Variants in NR3C1 observed in about 807,000 individuals in gnomAD.
NR3C1 encodes glucocorticoid receptor.
Under a neutral mutation model 74.0 loss-of-function variants are expected in NR3C1, and 14 were observed. The observed-to-expected ratio is 0.19, with a 90% CI of 0.12 to 0.30. The LOEUF (loss-of-function observed/expected upper bound fraction) is 0.30. Ranked by LOEUF, NR3C1 falls within the 10% of genes least tolerant of loss-of-function variation. NR3C1 has a pLI of 1.00. For synonymous variants in NR3C1, 308 were observed against 332.5 expected, an observed-to-expected ratio of 0.93 and a Z score of 0.80; for missense variants, 695 against 909.8, an observed-to-expected ratio of 0.76 and a Z score of 3.04.
chr5:143,418,199 T>C (rs753958983), intron 1 of NR3C1, among the ~76,000 whole-genome samples: 4 of 152,246 alleles, frequency 2.6e-5, no homozygotes, highest in Non-Finnish European at 4.4e-5. Flanking sequence ...TTTATGAGTT[T>C]ATTGCTTGTC....
chr5:143,430,518 A>G (rs1463748684), intron 1 of NR3C1, among the ~76,000 whole-genome samples: 1 of 152,210 alleles, frequency 6.6e-6, no homozygotes, highest in Non-Finnish European at 1.5e-5. Context: ...CTAACCCCCA[A>G]TATGATGGTA....
At chr5:143,345,225 T>TAA (rs1829054343) in intron 2 of NR3C1, among the ~76,000 whole-genome samples, 2 of 152,166 alleles carry the variant, frequency 1.3e-5, no homozygotes, top group Non-Finnish European at 2.9e-5. Flanking sequence ...TATTATTGTT[T>TAA]TTTGAGACAG....
At chr5:143,395,088 T>C (rs1057480692) in intron 2 of NR3C1, among the ~76,000 whole-genome samples, 1 of 152,030 alleles carries the variant, frequency 6.6e-6, no homozygotes, top group Admixed American at 6.5e-5. Flanking sequence ...TATTTCTTTC[T>C]TAATATGTAA....
intron 1 of NR3C1, among the ~76,000 whole-genome samples, chr5:143,433,318 A>G (rs956816596): frequency 2.7e-5 from 4 of 148,026 alleles, no homozygotes; most frequent in Middle Eastern, 3.5e-3. Flanking sequence ...CATTAACAGC[A>G]AGGATACTGA....
At chr5:143,373,194 A>G (rs1834525939) in intron 2 of NR3C1, among the ~76,000 whole-genome samples, 2 of 152,146 alleles carry the variant, frequency 1.3e-5, no homozygotes, top group Admixed American at 1.3e-4. Flanking sequence ...CTTGTGATCT[A>G]GTTATTCAAT....
intron 1 of NR3C1, among the ~76,000 whole-genome samples, chr5:143,414,669 G>A (rs1841422466): frequency 6.6e-6 from 1 of 152,028 alleles, no homozygotes; most frequent in South Asian, 2.1e-4. Flanking sequence ...CTACCTATGA[G>A]ATATCTTTAT....
intron 1 of NR3C1, among the ~76,000 whole-genome samples, chr5:143,434,127 G>A (rs1260086308): frequency 6.6e-6 from 1 of 151,982 alleles, no homozygotes; most frequent in Non-Finnish European, 1.5e-5. Flanking sequence ...AAGCCCCTCC[G>A]CCACTATCAC....
chr5:143,431,595 A>G (rs1363153475), intron 1 of NR3C1, among the ~76,000 whole-genome samples: 1 of 152,154 alleles, frequency 6.6e-6, no homozygotes, highest in Non-Finnish European at 1.5e-5. Flanking sequence ...GCAAGCCACC[A>G]TGGCACATGC....
At chr5:143,286,113 T>G (rs1193338191) in intron 7 of NR3C1, among the ~76,000 whole-genome samples, 1 of 152,096 alleles carries the variant, frequency 6.6e-6, no homozygotes, top group Non-Finnish European at 1.5e-5. Flanking sequence ...ATTCAACATT[T>G]GAAGGAAACA....
At position 143,375,432 on chromosome 5, in the gene NR3C1, G is replaced by A. The variant is rs74830355; in HGVS notation, c.1184+24224C>T. Among the ~76,000 whole-genome samples, 675 of 152,210 alleles carry A rather than the reference G, an allele frequency of 4.4e-3. 2 individuals are homozygous for A. Among genetic ancestry groups the A allele is most frequent in the African/African-American group, 0.015 (643 of 41,530 alleles). Reference sequence around the variant, plus strand: ...CAAAAGAGTCAAAATTCTTTTAATAGGGGCCTAGTTAAATATATTATGGTA... The same window carrying A: ...CAAAAGAGTCAAAATTCTTTTAATAAGGGCCTAGTTAAATATATTATGGTA... On this transcript the variant is annotated intron_variant, in intron 2 of 8. Transcript: ENST00000394464.
At chr5:143,343,732 C>A (rs1296358259) in intron 2 of NR3C1, among the ~76,000 whole-genome samples, 1 of 152,140 alleles carries the variant, frequency 6.6e-6, no homozygotes, top group African/African-American at 2.4e-5. Context: ...ACTTTTTAAT[C>A]TTCATAATAT....
chr5:143,352,864 G>A (rs933932958), intron 2 of NR3C1, among the ~76,000 whole-genome samples: 1 of 152,074 alleles, frequency 6.6e-6, no homozygotes, highest in East Asian at 1.9e-4. Flanking sequence ...AAGGTGGGGT[G>A]GCTGTGGCAA....
At chr5:143,310,717 T>TA (rs1561534632) in intron 3 of NR3C1, among the ~76,000 whole-genome samples, 2 of 152,104 alleles carry the variant, frequency 1.3e-5, no homozygotes, top group African/African-American at 4.8e-5. Context: ...TGTAGTAGTG[T>TA]AGTGGCATGA....
At chr5:143,333,322 A>G in intron 2 of NR3C1, 1 of 679,736 alleles carries the variant, frequency 1.5e-6, no homozygotes, top group Middle Eastern at 4.0e-4. Flanking sequence ...TTCTTTTTGC[A>G]TTTACTAGTA....
At position 143,403,338 on chromosome 5, in the gene NR3C1, A is replaced by G; in HGVS notation, c.-141T>C. On this transcript the variant is annotated 5_prime_UTR_variant, in exon 1 of 9. Coordinates refer to ENST00000394464, the MANE Select transcript of NR3C1 (RefSeq NM_000176.3). ...TTTTTTTTTTCTAAAAAAAGGAAGT[A>G]AACAGCCGCCCCTTTCTCCATGGGT... The G allele has an allele frequency of 1.0e-6, 1 of 985,450 alleles. No homozygotes were observed. Among genetic ancestry groups the G allele is most frequent in the Non-Finnish European group, 1.2e-6 (1 of 829,960 alleles). 61.0% of individuals were successfully genotyped at this position (985,450 alleles called of 1,614,324 possible).
exon 1 of NR3C1, chr5:143,435,344 T>C: frequency 1.0e-6 from 1 of 985,494 alleles, no homozygotes; most frequent in Non-Finnish European, 1.2e-6. Flanking sequence ...CTAAGTTTTC[T>C]CCTTCTCTCT....
At chr5:143,345,465 C>T (rs935508093) in intron 2 of NR3C1, among the ~76,000 whole-genome samples, 1 of 152,176 alleles carries the variant, frequency 6.6e-6, no homozygotes, top group Non-Finnish European at 1.5e-5. Flanking sequence ...CTGCCTTGGC[C>T]TCCCAAAGTG....
At chr5:143,396,032 C>A (rs1305040238) in intron 2 of NR3C1, among the ~76,000 whole-genome samples, 1 of 151,774 alleles carries the variant, frequency 6.6e-6, no homozygotes, top group African/African-American at 2.4e-5. Flanking sequence ...AGTGGTCAGA[C>A]TAAAATACAT....
intron 2 of NR3C1, among the ~76,000 whole-genome samples, chr5:143,364,815 C>T (rs1026439091): frequency 1.3e-5 from 2 of 152,138 alleles, no homozygotes; most frequent in African/African-American, 4.8e-5. Flanking sequence ...AAGCTATCCT[C>T]CCAACTCAGC....
Sources: allele counts gnomAD v4.1 joint callset (sites outside exome capture counted in the v4.1 genomes callset), GRCh38; gene constraint gnomAD v4.1.1; transcripts MANE v1.5; gene names NCBI Gene and HGNC (gene_info 2026-07-23, HGNC 2026-07-21).